SLC2A9: variants seen among roughly 807,000 people sequenced by gnomAD.
The protein encoded by SLC2A9 is solute carrier family 2 member 9.
Under a neutral mutation model 50.6 loss-of-function variants are expected in SLC2A9, and 39 were observed. That is an observed-to-expected ratio of 0.77 (90% CI 0.60 to 1.01). SLC2A9 has a LOEUF of 1.01. Ranked by LOEUF, SLC2A9 falls within the 50% of genes least tolerant of loss-of-function variation. The pLI, the probability that SLC2A9 is intolerant of heterozygous loss-of-function variation, is 0.00. For missense variants in SLC2A9, 686 were observed against 677.6 expected, an observed-to-expected ratio of 1.01 and a Z score of -0.14; for synonymous variants, 324 against 276.9, an observed-to-expected ratio of 1.17 and a Z score of -1.69.
chr4:9,803,638 T>G (rs908882942), intron 3 of SLC2A9, among the ~76,000 whole-genome samples: 17 of 152,208 alleles, frequency 1.1e-4, no homozygotes, highest in African/African-American at 4.1e-4. Context: ...TCTATCACAC[T>G]CTGACCTCTT....
intron 8 of SLC2A9, among the ~76,000 whole-genome samples, chr4:9,901,044 C>T (rs529818495): frequency 4.7e-4 from 71 of 152,210 alleles, no homozygotes; most frequent in Non-Finnish European, 9.0e-4. Context: ...GCAATGGTAA[C>T]ACTAATGCTT....
intron 3 of SLC2A9, among the ~76,000 whole-genome samples, chr4:9,799,692 A>C (rs866951717): frequency 0.036 from 2,491 of 69,670 alleles, no homozygotes; most frequent in Middle Eastern, 0.056. Context: ...TTCCAATTGT[A>C]CCCCCCCCCC....
chr4:9,891,118 C>A (rs957732591), intron 8 of SLC2A9, among the ~76,000 whole-genome samples: 2 of 152,120 alleles, frequency 1.3e-5, no homozygotes, highest in South Asian at 4.1e-4. Flanking sequence ...GCATCCACAG[C>A]GGGGCACAGG....
chr4:9,819,116 CAAAAA>C (rs60751108), intron 3 of SLC2A9, among the ~76,000 whole-genome samples: 7 of 57,372 alleles, frequency 1.2e-4, no homozygotes, highest in Admixed American at 1.9e-4. Context: ...GAGACTGTCT[CAAAAA>C]AAAAAAAAAA....
downstream of SLC2A9, among the ~76,000 whole-genome samples, chr4:9,778,308 CG>C (rs1366333131): frequency 1.3e-5 from 2 of 152,002 alleles, no homozygotes; most frequent in Non-Finnish European, 2.9e-5. Context: ...TTAGTAGAGA[CG>C]GGGTTTCACC....
intron 6 of SLC2A9, among the ~76,000 whole-genome samples, chr4:9,927,205 TG>T (rs1745071286): frequency 8.3e-6 from 1 of 120,148 alleles, no homozygotes; most frequent in Non-Finnish European, 1.7e-5. Flanking sequence ...TTAGTAGAGA[TG>T]GGGTTTCACC....
At chr4:9,845,427 CTTT>C (rs1175166447) in intron 10 of SLC2A9, among the ~76,000 whole-genome samples, 100 of 108,672 alleles carry the variant, frequency 9.2e-4, no homozygotes, top group Middle Eastern at 0.01. Flanking sequence ...TCATCAATTT[CTTT>C]TTTTTTTTTT....
intron 3 of SLC2A9, among the ~76,000 whole-genome samples, chr4:9,804,598 C>T (rs1311748385): frequency 6.6e-6 from 1 of 152,186 alleles, no homozygotes; most frequent in East Asian, 1.9e-4. Context: ...TGCTCCCCTC[C>T]TCTCCTCCCA....
chr4:9,864,559 T>C (rs536602220), intron 10 of SLC2A9, among the ~76,000 whole-genome samples: 45 of 152,326 alleles, frequency 3.0e-4, no homozygotes, highest in Admixed American at 8.5e-4. Context: ...ACTCAGACCC[T>C]GCAAACTGTG....
rs188877202 is a variant in SLC2A9, at chr4:9,887,689, C to T, written c.1216-47G>A. On this transcript the variant is annotated intron_variant, in intron 9 of 11. Coordinates refer to ENST00000264784, the MANE Select transcript of SLC2A9 (RefSeq NM_020041.3). Reference sequence around the variant, plus strand: ...TCAGGTGAGGAGGTGATGGTGTGACCGGAGGACCTGAGTTCCCACCCCAGC... The same window carrying T: ...TCAGGTGAGGAGGTGATGGTGTGACTGGAGGACCTGAGTTCCCACCCCAGC... The T allele has an allele frequency of 1.3e-4, 189 of 1,408,690 alleles. 1 individual carries two copies. Among genetic ancestry groups the T allele is most frequent in the Admixed American group, 1.2e-3 (42 of 34,980 alleles). 87.3% of individuals were successfully genotyped at this position (1,408,690 alleles called of 1,614,324 possible). A position where few individuals can be genotyped will look rare whatever the true frequency, so the allele number is the denominator to read the frequency against.
intron 3 of SLC2A9, among the ~76,000 whole-genome samples, chr4:9,792,343 GTTT>G (rs58801443): frequency 7.6e-6 from 1 of 131,176 alleles, no homozygotes; most frequent in Non-Finnish European, 1.7e-5. Flanking sequence ...CACCTGGATA[GTTT>G]TTTTTTTTTT....
intron 3 of SLC2A9, among the ~76,000 whole-genome samples, chr4:9,785,162 C>T (rs1168629368): frequency 6.6e-6 from 1 of 152,152 alleles, no homozygotes; most frequent in African/African-American, 2.4e-5. Context: ...AGGAGATCGT[C>T]GCATGACCTT....
intron 1 of SLC2A9, among the ~76,000 whole-genome samples, chr4:10,039,168 G>A (rs1764199461): frequency 6.6e-6 from 1 of 152,212 alleles, no homozygotes; most frequent in African/African-American, 2.4e-5. Flanking sequence ...AATGGACCTG[G>A]AATGTCCCTT....
intron 3 of SLC2A9, among the ~76,000 whole-genome samples, chr4:9,992,753 T>C (rs192539216): frequency 2.7e-4 from 41 of 152,316 alleles, no homozygotes; most frequent in Admixed American, 2.2e-3. Context: ...AGTTATATTT[T>C]AGTTATTGTG....
At chr4:10,010,966 T>C (rs563507605) in intron 2 of SLC2A9, among the ~76,000 whole-genome samples, 63 of 152,328 alleles carry the variant, frequency 4.1e-4, no homozygotes, top group Non-Finnish European at 7.8e-4. Context: ...CTCATTGCAA[T>C]GTGGGATCCT....
intron 3 of SLC2A9, among the ~76,000 whole-genome samples, chr4:9,993,161 C>G (rs185651480): frequency 6.6e-6 from 1 of 152,200 alleles, no homozygotes; most frequent in African/African-American, 2.4e-5. Context: ...AATATGGTTA[C>G]GTGGCTTGTC....
chr4:9,903,847 T>C (rs1740119100), intron 8 of SLC2A9, among the ~76,000 whole-genome samples: 1 of 147,430 alleles, frequency 6.8e-6, no homozygotes, highest in African/African-American at 2.5e-5. Flanking sequence ...ATTATATAAA[T>C]ATATAAAATA....
chr4:9,940,943 G>A (rs187543099), intron 6 of SLC2A9, among the ~76,000 whole-genome samples: 3 of 152,232 alleles, frequency 2.0e-5, no homozygotes, highest in East Asian at 1.9e-4. Flanking sequence ...ATAATACTAC[G>A]AACCTTATAT....
At chr4:9,868,092 T>C (rs1451917341) in intron 10 of SLC2A9, among the ~76,000 whole-genome samples, 1 of 152,234 alleles carries the variant, frequency 6.6e-6, no homozygotes, top group Non-Finnish European at 1.5e-5. Flanking sequence ...GTGGTGGATT[T>C]GCGCCTGACC....
Sources: allele counts gnomAD v4.1 joint callset (sites outside exome capture counted in the v4.1 genomes callset), GRCh38; gene constraint gnomAD v4.1.1; transcripts MANE v1.5; gene names NCBI Gene and HGNC (gene_info 2026-07-23, HGNC 2026-07-21).